FNDC3B: variants seen among roughly 807,000 people sequenced by gnomAD.
The protein encoded by FNDC3B is fibronectin type III domain-containing protein 3B.
FNDC3B carries 12 observed loss-of-function variants against 151.5 expected under a neutral mutation model. That is an observed-to-expected ratio of 0.08 (90% CI 0.05 to 0.13). The LOEUF is 0.13. Ranked by LOEUF, FNDC3B falls within the 10% of genes least tolerant of loss-of-function variation. The probability of loss-of-function intolerance (pLI) is 1.00; values close to 1 mark genes in which losing one functional copy is unlikely to be tolerated. For missense variants in FNDC3B, 1,214 were observed against 1,505.3 expected (o/e 0.81, Z 3.20); for synonymous variants, 528 against 549.0 (o/e 0.96, Z 0.54).
chr3:172,080,104 TA>T (rs144189705), intron 1 of FNDC3B, among the ~76,000 whole-genome samples: 23 of 150,944 alleles, frequency 1.5e-4, no homozygotes, highest in Middle Eastern at 3.4e-3. Context: ...ACCTGAATTA[TA>T]AAAAAAAAGG....
intron 3 of FNDC3B, among the ~76,000 whole-genome samples, chr3:172,158,596 TG>T (rs1203628760): frequency 6.6e-6 from 1 of 152,216 alleles, no homozygotes; most frequent in Non-Finnish European, 1.5e-5. Context: ...AATACTTTCT[TG>T]TCTTTCCCTC....
chr3:172,103,425 A>C (rs1719470777), intron 1 of FNDC3B, among the ~76,000 whole-genome samples: 1 of 152,080 alleles, frequency 6.6e-6, no homozygotes, highest in African/African-American at 2.4e-5. Flanking sequence ...ATATATATGG[A>C]TTTTTCTCCC....
chr3:172,290,387 A>G (rs901098901), intron 7 of FNDC3B, among the ~76,000 whole-genome samples: 3 of 152,194 alleles, frequency 2.0e-5, no homozygotes, highest in Non-Finnish European at 2.9e-5. Flanking sequence ...GTTAGGTGCT[A>G]TGGGGACTTC....
At chr3:172,233,592 G>A (rs1047016164) in intron 4 of FNDC3B, among the ~76,000 whole-genome samples, 1 of 152,164 alleles carries the variant, frequency 6.6e-6, no homozygotes, top group Non-Finnish European at 1.5e-5. Context: ...CCCCCATTTC[G>A]CTTAGCCAAG....
intron 3 of FNDC3B, among the ~76,000 whole-genome samples, chr3:172,217,655 TTA>T (rs906467116): frequency 4.9e-4 from 33 of 67,440 alleles, no homozygotes; most frequent in South Asian, 1.4e-3. Flanking sequence ...GGTTTTTTTT[TTA>T]AAACCATTTA....
intron 3 of FNDC3B, among the ~76,000 whole-genome samples, chr3:172,148,874 T>A (rs954681877): frequency 2.6e-5 from 4 of 152,192 alleles, no homozygotes; most frequent in African/African-American, 9.7e-5. Flanking sequence ...CAGAAGCGAA[T>A]AGAATGCCAG....
Position 172,148,858 on chromosome 3 carries a change from A to G in FNDC3B, c.187+15312A>G, listed in dbSNP as rs531497616. ...TGTCATGCTGGTATCAGCAATTAACATTCCTCAGAAGCGAATAGAATGCCA... is the reference window on the plus strand; with the variant it reads ...TGTCATGCTGGTATCAGCAATTAACGTTCCTCAGAAGCGAATAGAATGCCA... On this transcript the variant is annotated intron_variant, in intron 3 of 25. Transcript: ENST00000415807. Among the ~76,000 whole-genome samples, 4 of 152,338 alleles carry G rather than the reference A, an allele frequency of 2.6e-5. No homozygotes were observed. In the South Asian group the frequency reaches 8.3e-4, roughly 32 times the overall value.
In FNDC3B at chr3:172,250,325, G is replaced by C. The variant is rs951385590; in HGVS notation, c.509-935G>C. ...TTATTATGTTTGGCACCAGATTTCA[G>C]AGATGGCTTTTCTTTATCCTTATAC... On this transcript the variant is annotated intron_variant, in intron 5 of 25. Transcript: ENST00000415807. Among the ~76,000 whole-genome samples the C allele has an allele frequency of 2.0e-5, 3 of 152,174 alleles. No individual in the cohort carries two copies. The East Asian group carries it at 5.8e-4, about 29-fold the overall frequency.
intron 7 of FNDC3B, among the ~76,000 whole-genome samples, chr3:172,289,306 C>A (rs1203616870): frequency 6.6e-6 from 1 of 152,178 alleles, no homozygotes; most frequent in East Asian, 1.9e-4. Context: ...CTCCCTCTTT[C>A]ACTTATAAGG....
In FNDC3B at chr3:172,399,227, A is replaced by G. The variant is rs1239886065; in HGVS notation, c.*1752A>G. ...TCTTTATTTATTGTAAAATTTTTTA[A>G]GTGTACTTATGTACTAATTTTCCCT... On this transcript the variant is annotated 3_prime_UTR_variant, in exon 26 of 26. Coordinates refer to ENST00000415807, the MANE Select transcript of FNDC3B (RefSeq NM_022763.4). 6.6e-6 allele frequency: 1 copy of G among 152,574 alleles called. No homozygotes were observed. Among genetic ancestry groups the G allele is most frequent in the Non-Finnish European group, 1.5e-5 (1 of 68,024 alleles). The allele number at this position is 152,574 out of a possible 1,614,324, so 9.5% of individuals were successfully genotyped here.
chr3:172,329,163 C>T (rs1285926112), intron 12 of FNDC3B, 87 bp downstream of exon 12: 3 of 1,424,066 alleles, frequency 2.1e-6, no homozygotes, highest in Non-Finnish European at 2.9e-6. Context: ...CATGAGGAAG[C>T]CTGCTGCCTC....
At chr3:172,380,873 G>C (rs942922958) in intron 24 of FNDC3B, 93 bp from the exon 25 acceptor site, 1 of 1,404,576 alleles carries the variant, frequency 7.1e-7, no homozygotes, top group African/African-American at 1.4e-5. Context: ...GCACAATCTT[G>C]CTCTCTCTGG....
At chr3:172,326,591 C>A (rs2108279925) in intron 11 of FNDC3B, among the ~76,000 whole-genome samples, 1 of 152,220 alleles carries the variant, frequency 6.6e-6, no homozygotes, top group East Asian at 1.9e-4. Context: ...ATTTTTACTT[C>A]TTTCACAAGT....
intron 6 of FNDC3B, among the ~76,000 whole-genome samples, chr3:172,282,495 C>G (rs778693336): frequency 2.6e-5 from 4 of 152,186 alleles, no homozygotes; most frequent in African/African-American, 4.8e-5. Flanking sequence ...TTTTGATCTT[C>G]TCAGAATCCT....
intron 3 of FNDC3B, among the ~76,000 whole-genome samples, chr3:172,181,032 T>C (rs546577517): frequency 6.6e-6 from 1 of 152,176 alleles, no homozygotes; most frequent in Non-Finnish European, 1.5e-5. Context: ...CTCTAACTGA[T>C]TTTGAACCTC....
intron 1 of FNDC3B, among the ~76,000 whole-genome samples, chr3:172,054,607 G>A (rs1350231400): frequency 1.3e-5 from 2 of 152,336 alleles, no homozygotes; most frequent in East Asian, 1.9e-4. Context: ...AAGGAGCTAT[G>A]TGCTTCTCTG....
chr3:172,339,040 C>T (rs1162770865), intron 16 of FNDC3B, among the ~76,000 whole-genome samples: 2 of 151,996 alleles, frequency 1.3e-5, no homozygotes, highest in Non-Finnish European at 2.9e-5. Context: ...CCCGGCCCAC[C>T]ATTAAATTTT....
At chr3:172,342,749 T>C (rs1480053913) in intron 17 of FNDC3B, among the ~76,000 whole-genome samples, 1 of 152,058 alleles carries the variant, frequency 6.6e-6, no homozygotes, top group Non-Finnish European at 1.5e-5. Flanking sequence ...ACAGTACTCA[T>C]GTCTGCTAAT....
intron 3 of FNDC3B, among the ~76,000 whole-genome samples, chr3:172,184,632 A>G (rs1275063684): frequency 6.6e-6 from 1 of 152,230 alleles, no homozygotes; most frequent in Non-Finnish European, 1.5e-5. Context: ...AATTGTTTGT[A>G]TACCTCACAG....
Sources: gnomAD v4.1 joint callset for allele counts (sites outside exome capture counted in the v4.1 genomes callset) on GRCh38, gnomAD v4.1.1 for gene constraint, MANE v1.5 for transcripts, NCBI Gene and HGNC (gene_info 2026-07-23, HGNC 2026-07-21) for gene names.